Variants in NBEA observed in about 807,000 individuals in gnomAD.
NBEA encodes lysosomal-trafficking regulator 2.
NBEA carries 44 observed loss-of-function variants against 343.4 expected under a neutral mutation model. The observed-to-expected ratio is 0.13, with a 90% CI of 0.10 to 0.16. The LOEUF (loss-of-function observed/expected upper bound fraction) is 0.16. Among genes scored for constraint, NBEA ranks in the 10% least tolerant of loss-of-function variants. The pLI is 1.00. For synonymous variants in NBEA, 1,175 were observed against 1,238.7 expected, an observed-to-expected ratio of 0.95 and a Z score of 1.08; for missense variants, 2,555 against 3,631.3, an observed-to-expected ratio of 0.70 and a Z score of 7.62.
intron 34 of NBEA, chr13:35,251,536 GT>G (rs2031955906): frequency 1.6e-5 from 19 of 1,152,876 alleles, no homozygotes; most frequent in Non-Finnish European, 2.1e-5. Flanking sequence ...CATCCTGGAC[GT>G]CATGTCCTTG....
Position 35,156,078 on chromosome 13 carries a change from T to C in NBEA, c.2528-5T>C. 6.4e-7 allele frequency: 1 copy of C among 1,572,716 alleles called. No individual in the cohort carries two copies. Among genetic ancestry groups the C allele is most frequent in the East Asian group, 2.2e-5 (1 of 44,446 alleles). On this transcript the variant is annotated splice_polypyrimidine_tract_variant and splice_region_variant and intron_variant, in intron 19 of 58. Coordinates refer to ENST00000379939, the MANE Select transcript of NBEA (RefSeq NM_001385012.1). Reference sequence around the variant, plus strand: ...AATCTACAAGTTTTTTTTCTTTGTTTACAGTGATTCTTAAAGTGGTGGCAA... The same window carrying C: ...AATCTACAAGTTTTTTTTCTTTGTTCACAGTGATTCTTAAAGTGGTGGCAA...
chr13:35,054,677 C>T (rs1593602536), intron 6 of NBEA, among the ~76,000 whole-genome samples: 1 of 144,952 alleles, frequency 6.9e-6, no homozygotes, highest in South Asian at 2.2e-4. Flanking sequence ...AAAGTCTTGC[C>T]CTGTCGCCCA....
intron 39 of NBEA, among the ~76,000 whole-genome samples, chr13:35,451,384 A>C (rs1233549843): frequency 2.6e-5 from 4 of 152,162 alleles, no homozygotes; most frequent in African/African-American, 9.7e-5. Flanking sequence ...GGCCTCCCAA[A>C]GTGCTGGGAT....
intron 1 of NBEA, among the ~76,000 whole-genome samples, chr13:34,954,979 G>A (rs895033125): frequency 2.6e-5 from 4 of 152,164 alleles, no homozygotes; most frequent in Admixed American, 1.3e-4. Context: ...CTGGATATTT[G>A]AGACTGGTAA....
chr13:35,292,148 G>A (rs1265415228), intron 35 of NBEA, among the ~76,000 whole-genome samples: 3 of 151,662 alleles, frequency 2.0e-5, no homozygotes, highest in Admixed American at 6.6e-5. Context: ...TTATTCAGGG[G>A]GGATAAGTTT....
chr13:35,565,774 G>A (rs957354572), intron 44 of NBEA, among the ~76,000 whole-genome samples: 6 of 152,054 alleles, frequency 3.9e-5, no homozygotes, highest in African/African-American at 1.4e-4. Flanking sequence ...CATTCCCACT[G>A]TGCCTCAATA....
chr13:34,998,274 G>T lies in NBEA; in HGVS notation c.295-42659G>T, dbSNP rs527851614. On this transcript the variant is annotated intron_variant, in intron 1 of 58. Coordinates refer to ENST00000379939, the MANE Select transcript of NBEA (RefSeq NM_001385012.1). ...CTTCACAAGGTAATAAGATATCACA[G>T]GGTAAATGGAGGCAGGGTGAGATCA... Among the ~76,000 whole-genome samples, 154 of 152,270 alleles carry T rather than the reference G, an allele frequency of 1.0e-3. No individual in the cohort carries two copies. In the Middle Eastern group the frequency reaches 0.014, roughly 13 times the overall value.
chr13:35,645,797 C>A (rs1005086694), intron 49 of NBEA, 72 bp from the exon 50 acceptor site: 1 of 869,526 alleles, frequency 1.2e-6, no homozygotes. Context: ...TTAATTGGAA[C>A]CTATAACTTT....
chr13:35,391,260 G>A (rs2152899710), intron 38 of NBEA, among the ~76,000 whole-genome samples: 1 of 148,934 alleles, frequency 6.7e-6, no homozygotes. Flanking sequence ...GGGTGACATA[G>A]CCAGACTTGA....
At chr13:35,043,568 A>G (rs1443912305) in intron 2 of NBEA, among the ~76,000 whole-genome samples, 1 of 151,896 alleles carries the variant, frequency 6.6e-6, no homozygotes, top group Non-Finnish European at 1.5e-5. Flanking sequence ...ACCTATATGT[A>G]CTAATATTTT....
At chr13:35,426,698 G>T (rs1387385757) in intron 38 of NBEA, among the ~76,000 whole-genome samples, 2 of 152,134 alleles carry the variant, frequency 1.3e-5, no homozygotes, top group Middle Eastern at 3.2e-3. Flanking sequence ...GGCCTGCCTT[G>T]CTAGGTTGGG....
intron 49 of NBEA, among the ~76,000 whole-genome samples, chr13:35,640,677 A>C (rs2083902355): frequency 6.6e-6 from 1 of 152,226 alleles, no homozygotes; most frequent in Admixed American, 6.5e-5. Context: ...GGGAGGGGAC[A>C]AAAGAGAAAG....
At chr13:35,155,919 A>G in intron 19 of NBEA, 64 bp downstream of exon 19, 1 of 1,535,948 alleles carries the variant, frequency 6.5e-7, no homozygotes, top group South Asian at 1.1e-5. Context: ...AGACTAAATC[A>G]AAACTTTTCC....
intron 11 of NBEA, among the ~76,000 whole-genome samples, chr13:35,107,928 T>TTG (rs1313286375): frequency 6.6e-6 from 1 of 152,098 alleles, no homozygotes; most frequent in African/African-American, 2.4e-5. Context: ...CCAATCTTTA[T>TTG]TGTCTCCTAC....
intron 44 of NBEA, among the ~76,000 whole-genome samples, chr13:35,556,664 T>C (rs1383017058): frequency 1.3e-5 from 2 of 152,112 alleles, no homozygotes; most frequent in Non-Finnish European, 2.9e-5. Flanking sequence ...ACTATTTTTC[T>C]TAATTTGAAC....
chr13:35,557,783 C>T (rs1339635996), intron 44 of NBEA, among the ~76,000 whole-genome samples: 1 of 151,982 alleles, frequency 6.6e-6, no homozygotes, highest in Admixed American at 6.6e-5. Flanking sequence ...TCATTGCTAT[C>T]GTGAATGCTG....
chr13:35,088,518 T>G (rs1029171206), intron 10 of NBEA, among the ~76,000 whole-genome samples: 3 of 151,938 alleles, frequency 2.0e-5, no homozygotes, highest in Admixed American at 6.6e-5. Flanking sequence ...TGCAAGGTGA[T>G]GTTTTTAGTA....
intron 47 of NBEA, among the ~76,000 whole-genome samples, chr13:35,601,221 G>A (rs763613580): frequency 1.3e-5 from 2 of 151,546 alleles, no homozygotes; most frequent in African/African-American, 2.4e-5. Context: ...ACCAGGGCCT[G>A]CAAAGTTTTT....
At chr13:35,394,924 A>G (rs146983241) in intron 38 of NBEA, among the ~76,000 whole-genome samples, 75 of 152,296 alleles carry the variant, frequency 4.9e-4, no homozygotes, top group African/African-American at 1.7e-3. Context: ...ACACTGCCTT[A>G]ACTGCATCCC....
Sources: allele counts gnomAD v4.1 joint callset (sites outside exome capture counted in the v4.1 genomes callset), GRCh38; gene constraint gnomAD v4.1.1; transcripts MANE v1.5; gene names NCBI Gene and HGNC (gene_info 2026-07-23, HGNC 2026-07-21).